Variants in GALNT13 observed in about 807,000 individuals in gnomAD.
GALNT13 encodes the protein polypeptide N-acetylgalactosaminyltransferase 13, also known as UDP-GalNAc:polypeptide N-acetylgalactosaminyltransferase 13.
In GALNT13, 28 loss-of-function variants were observed where a neutral mutation model predicts 64.2. That is an observed-to-expected ratio of 0.44 (90% CI 0.32 to 0.60). GALNT13 has a LOEUF of 0.60. GALNT13 is among the 20% of genes least tolerant of loss of function. The pLI is 0.05. For missense variants in GALNT13, 577 were observed against 669.8 expected (o/e 0.86, Z 1.53); for synonymous variants, 214 against 224.6 (o/e 0.95, Z 0.42).
At chr2:153,670,367 T>C in the GALNT13 span, among the ~76,000 whole-genome samples, 1 of 152,088 alleles carries the variant, frequency 6.6e-6, no homozygotes, top group East Asian at 1.9e-4. Context: ...ACAGCAATAT[T>C]AGCTGTTCTG....
At chr2:154,382,639 C>T (rs189357666) in intron 9 of GALNT13, among the ~76,000 whole-genome samples, 4 of 152,010 alleles carry the variant, frequency 2.6e-5, no homozygotes, top group South Asian at 2.1e-4. Flanking sequence ...CAGTGTCCTG[C>T]GGGTAACTAA....
the GALNT13 span, among the ~76,000 whole-genome samples, chr2:153,524,883 G>C: frequency 1.3e-5 from 2 of 152,134 alleles, no homozygotes; most frequent in African/African-American, 4.8e-5. Flanking sequence ...CAGGACTGGG[G>C]GAGGCACGTG....
chr2:154,017,060 A>G (rs1227312191), intron 3 of GALNT13, among the ~76,000 whole-genome samples: 1 of 152,164 alleles, frequency 6.6e-6, no homozygotes, highest in African/African-American at 2.4e-5. Flanking sequence ...TATAGACAAA[A>G]GAAAACCAAT....
chr2:153,113,264 A>C, the GALNT13 span, among the ~76,000 whole-genome samples: 1 of 152,126 alleles, frequency 6.6e-6, no homozygotes, highest in Admixed American at 6.5e-5. Context: ...TCTTCTGTCC[A>C]TCTAGGCAGG....
At chr2:153,795,316 TG>T in the GALNT13 span, among the ~76,000 whole-genome samples, 2 of 152,204 alleles carry the variant, frequency 1.3e-5, no homozygotes, top group African/African-American at 4.8e-5. Flanking sequence ...TACGTGATTT[TG>T]TAGAGACATT....
At chr2:154,080,288 T>C (rs1250797169) in intron 3 of GALNT13, among the ~76,000 whole-genome samples, 1 of 151,326 alleles carries the variant, frequency 6.6e-6, no homozygotes, top group East Asian at 1.9e-4. Context: ...CAAATAAAGC[T>C]ATGGAAAAAG....
At chr2:154,160,217 C>A (rs372563074) in intron 4 of GALNT13, among the ~76,000 whole-genome samples, 1 of 152,094 alleles carries the variant, frequency 6.6e-6, no homozygotes, top group Non-Finnish European at 1.5e-5. Context: ...CTCTCCAATG[C>A]GGCATGCATT....
At chr2:153,327,063 G>A in the GALNT13 span, among the ~76,000 whole-genome samples, 1 of 151,992 alleles carries the variant, frequency 6.6e-6, no homozygotes, top group Non-Finnish European at 1.5e-5. Context: ...CAGCCTGGGT[G>A]ATGGAGCGAG....
the GALNT13 span, among the ~76,000 whole-genome samples, chr2:153,121,699 G>A: frequency 6.6e-6 from 1 of 151,782 alleles, no homozygotes; most frequent in Non-Finnish European, 1.5e-5. Context: ...TGTCTATTTT[G>A]TATTTTGTAT....
intron 3 of GALNT13, among the ~76,000 whole-genome samples, chr2:154,081,306 C>T (rs76760935): frequency 1.5e-4 from 23 of 151,600 alleles, no homozygotes; most frequent in African/African-American, 5.1e-4. Context: ...GCCATCTTCT[C>T]GAGAGAGAAT....
intron 2 of GALNT13, among the ~76,000 whole-genome samples, chr2:153,909,785 A>C (rs1011952166): frequency 6.6e-6 from 1 of 152,114 alleles, no homozygotes; most frequent in African/African-American, 2.4e-5. Context: ...AGCCTACTTG[A>C]TCATGGTGGA....
the GALNT13 span, among the ~76,000 whole-genome samples, chr2:153,630,414 C>G: frequency 0.011 from 1,631 of 145,172 alleles, 25 homozygotes; most frequent in African/African-American, 0.039. Context: ...AAACAAACAC[C>G]GCATGTTCTC....
At chr2:153,256,757 G>T in the GALNT13 span, among the ~76,000 whole-genome samples, 5 of 152,182 alleles carry the variant, frequency 3.3e-5, no homozygotes, top group Non-Finnish European at 5.9e-5. Flanking sequence ...TCCCAGTTAG[G>T]CTGCTCGGGG....
chr2:154,442,564 G>A (rs928236472), intron 12 of GALNT13, among the ~76,000 whole-genome samples: 9 of 151,820 alleles, frequency 5.9e-5, no homozygotes, highest in African/African-American at 2.2e-4. Context: ...CCTATTGCCA[G>A]GATTAAATGA....
chr2:153,255,536 C>G, the GALNT13 span, among the ~76,000 whole-genome samples: 1 of 151,332 alleles, frequency 6.6e-6, no homozygotes, highest in Non-Finnish European at 1.5e-5. Flanking sequence ...TTATTTTGCT[C>G]GTTAGTTGAT....
chr2:153,838,969 T>A, the GALNT13 span, among the ~76,000 whole-genome samples: 1 of 151,862 alleles, frequency 6.6e-6, no homozygotes, highest in Non-Finnish European at 1.5e-5. Flanking sequence ...TTTTTCTAAG[T>A]TTCTGTGTAT....
At chr2:153,400,901 A>C in the GALNT13 span, among the ~76,000 whole-genome samples, 1 of 152,084 alleles carries the variant, frequency 6.6e-6, no homozygotes, top group African/African-American at 2.4e-5. Flanking sequence ...AATTTTTTGA[A>C]GGGTTTTTTG....
intron 8 of GALNT13, chr2:154,286,676 G>C: frequency 3.2e-6 from 1 of 310,992 alleles, no homozygotes; most frequent in Non-Finnish European, 6.3e-6. Flanking sequence ...GCCTTATACA[G>C]TGTGCATGCT....
At chr2:153,652,964 A>T in the GALNT13 span, among the ~76,000 whole-genome samples, 1 of 152,114 alleles carries the variant, frequency 6.6e-6, no homozygotes, top group Non-Finnish European at 1.5e-5. Context: ...GTAGTATAAG[A>T]TATATATACA....
Sources: allele counts gnomAD v4.1 joint callset (sites outside exome capture counted in the v4.1 genomes callset), GRCh38; gene constraint gnomAD v4.1.1; transcripts MANE v1.5; gene names NCBI Gene and HGNC (gene_info 2026-07-23, HGNC 2026-07-21).